ANO4: variants seen among roughly 807,000 people sequenced by gnomAD.
The protein encoded by ANO4 is anoctamin-4.
Under a neutral mutation model 141.9 loss-of-function variants are expected in ANO4, and 69 were observed. The ratio of observed to expected loss-of-function variants is 0.49; its 90% confidence interval spans 0.40 to 0.59. ANO4 has a LOEUF of 0.59. Among genes scored for constraint, ANO4 ranks in the 20% least tolerant of loss-of-function variants. ANO4 has a pLI of 0.00. For synonymous variants in ANO4, 350 were observed against 394.3 expected (o/e 0.89, Z 1.33); for missense variants, 894 against 1,162.2 (o/e 0.77, Z 3.36).
At chr12:101,027,337 A>G (rs2046783575) in intron 9 of ANO4, among the ~76,000 whole-genome samples, 1 of 152,234 alleles carries the variant, frequency 6.6e-6, no homozygotes, top group Non-Finnish European at 1.5e-5. Context: ...CTAACCCTGC[A>G]GAGCTCCTGC....
intron 22 of ANO4, among the ~76,000 whole-genome samples, chr12:101,102,157 A>G (rs2050217739): frequency 6.6e-6 from 1 of 152,216 alleles, no homozygotes; most frequent in Admixed American, 6.5e-5. Flanking sequence ...TTCCAAATTT[A>G]GGCTCTTATA....
chr12:100,804,512 C>A (rs774265161), intron 1 of ANO4, among the ~76,000 whole-genome samples: 1 of 152,162 alleles, frequency 6.6e-6, no homozygotes, highest in Admixed American at 6.5e-5. Flanking sequence ...TTCTAGGTCT[C>A]TGAGGAATTG....
At chr12:100,799,480 T>C (rs971087088) in intron 1 of ANO4, among the ~76,000 whole-genome samples, 5 of 152,192 alleles carry the variant, frequency 3.3e-5, no homozygotes, top group Non-Finnish European at 7.4e-5. Context: ...CGGTGGCCCA[T>C]GCCTGTAAAT....
intron 2 of ANO4, 63 bp from the exon 3 acceptor site, chr12:100,922,163 G>C (rs1256461136): frequency 1.2e-5 from 15 of 1,211,388 alleles, no homozygotes; most frequent in Non-Finnish European, 1.7e-5. Context: ...TTCTCCTTGG[G>C]ACCCTAATGA....
intron 1 of ANO4, among the ~76,000 whole-genome samples, chr12:100,879,519 C>T (rs1225519489): frequency 6.6e-6 from 1 of 152,090 alleles, no homozygotes; most frequent in African/African-American, 2.4e-5. Context: ...CAGCACCTAG[C>T]CCAGTGCATT....
At chr12:101,089,360 A>G (rs1260784307) in intron 17 of ANO4, among the ~76,000 whole-genome samples, 2 of 146,264 alleles carry the variant, frequency 1.4e-5, no homozygotes, top group South Asian at 4.3e-4. Context: ...CAGAAGTAAT[A>G]AAAAAAAAAG....
intron 3 of ANO4, among the ~76,000 whole-genome samples, chr12:100,765,501 C>T (rs1472800334): frequency 6.6e-6 from 1 of 151,142 alleles, no homozygotes. Context: ...ACTGCAGCCT[C>T]CTGAGTAGCT....
chr12:100,875,548 T>G (rs77144356), intron 1 of ANO4, among the ~76,000 whole-genome samples: 1 of 152,286 alleles, frequency 6.6e-6, no homozygotes, highest in African/African-American at 2.4e-5. Context: ...TAACTGCCCC[T>G]AAACTGCTTC....
At position 101,116,676 on chromosome 12, in the gene ANO4, T is replaced by C. The variant is rs897903147; in HGVS notation, c.2451-3T>C. The C allele has an allele frequency of 3.7e-6, 6 of 1,613,988 alleles. No homozygotes were observed. The highest frequency in any genetic ancestry group is 2.2e-5 in the South Asian group (2 of 91,076). On this transcript the variant is annotated splice_region_variant and splice_polypyrimidine_tract_variant and intron_variant, in intron 24 of 27. Coordinates refer to ENST00000392977, the MANE Select transcript of ANO4 (RefSeq NM_001286615.2). ...TAATGGTAGAATGTGCCTCCTCTTA[T>C]AGGTGCATGGTTGGCTATGTGAATG... is the stretch of plus-strand genomic sequence containing the variant.
At chr12:101,126,845 A>C in intron 26 of ANO4, 34 bp from the exon 27 acceptor site, 1 of 1,581,680 alleles carries the variant, frequency 6.3e-7, no homozygotes, top group South Asian at 1.1e-5. Context: ...GATGCACAGT[A>C]GACCTGACGC....
chr12:101,060,702 C>G lies in ANO4; in HGVS notation c.1312+12301C>G, dbSNP rs189950237. ...TTTATCAGAGACTATGATTGCAATC[C>G]TTGCTTTTTTTTTCTTTCCATTTGC... On this transcript the variant is annotated intron_variant, in intron 14 of 27. Transcript: ENST00000392977. 1.6e-3 allele frequency among the ~76,000 whole-genome samples: 239 copies of G among 152,032 alleles called. 1 individual carries two copies. Among genetic ancestry groups the G allele is most frequent in the African/African-American group, 5.2e-3 (215 of 41,470 alleles).
rs59483191 is a variant in ANO4 at position 101,011,318 on chromosome 12, C to CTTT, written c.735-8701_735-8699dup. Among the ~76,000 whole-genome samples, 30 of 110,668 alleles carry CTTT rather than the reference C, an allele frequency of 2.7e-4. 4 individuals carry two copies. The highest frequency in any genetic ancestry group is 2.9e-4 in the South Asian group (1 of 3,396). 72.6% of individuals were successfully genotyped at this position (110,668 alleles called of 152,430 possible). On this transcript the variant is annotated intron_variant, in intron 8 of 27. Coordinates refer to ENST00000392977, the MANE Select transcript of ANO4 (RefSeq NM_001286615.2). The stretch of plus-strand genomic sequence containing the variant: ...CATAGGAGGAATCATGGCCTTTTTT[C>CTTT]TTTTTTTTTTTTTTTTTGCAATCTA...
intron 21 of ANO4, among the ~76,000 whole-genome samples, chr12:101,098,426 CA>C (rs879316713): frequency 2.6e-5 from 4 of 152,164 alleles, no homozygotes; most frequent in Non-Finnish European, 5.9e-5. Flanking sequence ...TTAATGGGGA[CA>C]TAAATCAACA....
chr12:100,735,284 A>G (rs1325282729), intron 2 of ANO4, among the ~76,000 whole-genome samples: 2 of 152,234 alleles, frequency 1.3e-5, no homozygotes, highest in African/African-American at 4.8e-5. Flanking sequence ...GGTTCAGAAT[A>G]TGCTTGTATT....
At chr12:100,760,942 G>A (rs577453932) in intron 3 of ANO4, among the ~76,000 whole-genome samples, 1 of 152,246 alleles carries the variant, frequency 6.6e-6, no homozygotes, top group East Asian at 1.9e-4. Context: ...GGCTAAGTTT[G>A]AAGTAGGCAC....
chr12:100,918,244 T>C (rs1487679120), intron 2 of ANO4, among the ~76,000 whole-genome samples: 14 of 152,208 alleles, frequency 9.2e-5, no homozygotes, highest in Admixed American at 9.2e-4. Context: ...GGAGAATTGC[T>C]TGAGCCTAGG....
At chr12:100,730,427 G>T (rs889163801) in intron 1 of ANO4, among the ~76,000 whole-genome samples, 3 of 152,100 alleles carry the variant, frequency 2.0e-5, no homozygotes, top group African/African-American at 7.2e-5. Context: ...GCAAAGCTGG[G>T]CTTCCAACTT....
At chr12:100,918,333 AT>A (rs1173419891) in intron 2 of ANO4, among the ~76,000 whole-genome samples, 7 of 152,216 alleles carry the variant, frequency 4.6e-5, no homozygotes, top group Admixed American at 6.5e-5. Flanking sequence ...TCTCAAAAAA[AT>A]ATTTTTATTC....
intron 18 of ANO4, 60 bp from the exon 19 acceptor site, chr12:101,096,476 G>A (rs1373893206): frequency 6.8e-6 from 9 of 1,320,768 alleles, no homozygotes; most frequent in Non-Finnish European, 9.8e-6. Context: ...GAGGGAAAGA[G>A]AGGGAGTTGA....
Sources: gnomAD v4.1 joint callset for allele counts (sites outside exome capture counted in the v4.1 genomes callset) on GRCh38, gnomAD v4.1.1 for gene constraint, MANE v1.5 for transcripts, NCBI Gene and HGNC (gene_info 2026-07-23, HGNC 2026-07-21) for gene names.